The following FMNL2 variants were observed in gnomAD, a reference collection of about 807,000 sequenced individuals.
FMNL2 encodes formin like 2, also known as formin-like protein 2.
In FMNL2, 51 loss-of-function variants were observed where a neutral mutation model predicts 130.2. The observed-to-expected ratio is 0.39, with a 90% CI of 0.31 to 0.49. The LOEUF is 0.49. Among genes scored for constraint, FMNL2 ranks in the 20% least tolerant of loss-of-function variants. The pLI is 0.85. For synonymous variants in FMNL2, 465 were observed against 467.1 expected (o/e 1.00, Z 0.06); for missense variants, 977 against 1,316.2 (o/e 0.74, Z 3.99).
intron 1 of FMNL2, among the ~76,000 whole-genome samples, chr2:152,439,834 C>A (rs1172320300): frequency 2.0e-5 from 3 of 148,794 alleles, no homozygotes; most frequent in African/African-American, 7.5e-5. Flanking sequence ...TGGGCATCAG[C>A]ATTTACCCGT....
intron 21 of FMNL2, among the ~76,000 whole-genome samples, chr2:152,633,924 T>C (rs1336214231): frequency 6.6e-6 from 1 of 152,204 alleles, no homozygotes; most frequent in African/African-American, 2.4e-5. Flanking sequence ...AGATTCTGTA[T>C]TCCTTCACTC....
At chr2:152,424,611 G>A (rs372186334) in intron 1 of FMNL2, among the ~76,000 whole-genome samples, 10 of 151,974 alleles carry the variant, frequency 6.6e-5, no homozygotes, top group Admixed American at 2.6e-4. Flanking sequence ...GGCTGGTCTC[G>A]AACTCCTGAC....
intron 1 of FMNL2, among the ~76,000 whole-genome samples, chr2:152,511,100 G>T (rs1439539857): frequency 6.6e-6 from 1 of 152,162 alleles, no homozygotes; most frequent in Non-Finnish European, 1.5e-5. Flanking sequence ...TCTGTTGAGT[G>T]TGTGGTCAAC....
At chr2:152,461,707 A>G (rs932822771) in intron 1 of FMNL2, among the ~76,000 whole-genome samples, 2 of 152,222 alleles carry the variant, frequency 1.3e-5, no homozygotes, top group African/African-American at 4.8e-5. Context: ...AGACTTTTCT[A>G]CCTTTAATAC....
intron 1 of FMNL2, among the ~76,000 whole-genome samples, chr2:152,457,847 C>G (rs1303680216): frequency 3.3e-5 from 5 of 152,124 alleles, no homozygotes; most frequent in Non-Finnish European, 7.3e-5. Context: ...TAGAAGCCAC[C>G]ACCTTCTTTG....
At chr2:152,642,593 G>A (rs879379959) in intron 25 of FMNL2, among the ~76,000 whole-genome samples, 2 of 152,206 alleles carry the variant, frequency 1.3e-5, no homozygotes, top group Non-Finnish European at 2.9e-5. Flanking sequence ...CATGCTGGGG[G>A]AGAAACTCCA....
At chr2:152,381,443 T>C (rs1684456300) in intron 1 of FMNL2, among the ~76,000 whole-genome samples, 1 of 152,156 alleles carries the variant, frequency 6.6e-6, no homozygotes, top group Admixed American at 6.5e-5. Flanking sequence ...GGGGAGACAA[T>C]GAGAGGAGCT....
At chr2:152,337,244 T>C (rs940589540) in intron 1 of FMNL2, among the ~76,000 whole-genome samples, 1 of 152,184 alleles carries the variant, frequency 6.6e-6, no homozygotes, top group Non-Finnish European at 1.5e-5. Flanking sequence ...CAAGGCGGCC[T>C]GGGTGCATAC....
At chr2:152,490,806 T>C (rs1236374887) in intron 1 of FMNL2, among the ~76,000 whole-genome samples, 3 of 150,846 alleles carry the variant, frequency 2.0e-5, no homozygotes, top group Non-Finnish European at 4.4e-5. Context: ...GAACAGAACA[T>C]CTGATTGAAA....
chr2:152,611,621 A>T lies in FMNL2; in HGVS notation c.1062+16A>T. The T allele has an allele frequency of 6.7e-7, 1 of 1,494,780 alleles. No homozygotes were observed. Among genetic ancestry groups the T allele is most frequent in the South Asian group, 1.2e-5 (1 of 85,232 alleles). 92.6% of individuals were successfully genotyped at this position (1,494,780 alleles called of 1,614,324 possible). ...ATACTTGGACGTGAGTATAGCTGTGACCTTTGGCTCCAATATAAGAATTGA... is the reference window on the plus strand; with the variant it reads ...ATACTTGGACGTGAGTATAGCTGTGTCCTTTGGCTCCAATATAAGAATTGA... On this transcript the variant is annotated intron_variant, in intron 11 of 25. Transcript: ENST00000288670.
At chr2:152,443,912 A>G (rs1451519697) in intron 1 of FMNL2, among the ~76,000 whole-genome samples, 1 of 152,128 alleles carries the variant, frequency 6.6e-6, no homozygotes, top group Non-Finnish European at 1.5e-5. Context: ...ATGCCAGGAA[A>G]TTAAGTACTA....
intron 9 of FMNL2, among the ~76,000 whole-genome samples, chr2:152,591,241 C>G (rs1410644457): frequency 6.6e-6 from 1 of 151,942 alleles, no homozygotes; most frequent in African/African-American, 2.4e-5. Context: ...GAACTCCTGA[C>G]TTCGTGATCC....
chr2:152,373,281 T>G (rs1683986853), intron 1 of FMNL2, among the ~76,000 whole-genome samples: 2 of 152,246 alleles, frequency 1.3e-5, no homozygotes, highest in South Asian at 2.1e-4. Flanking sequence ...TTTAATGGTA[T>G]GGGTGAAGTC....
In FMNL2 at chr2:152,618,862, C is replaced by T. The variant is rs1559013920; in HGVS notation, c.1331C>T (p.Ala444Val). 1 of 1,597,694 alleles carries T rather than the reference C, an allele frequency of 6.3e-7. No homozygotes were observed. The highest frequency in any genetic ancestry group is 2.2e-5 in the East Asian group (1 of 44,728). Residue 444 changes from alanine to valine, a missense_variant, in exon 14 of 26, where the codon GCA (alanine) becomes GTA (valine). Coordinates refer to ENST00000288670, the MANE Select transcript of FMNL2 (RefSeq NM_052905.4). ...LDVVREIYKDANTQVHTLRKM... is the reference protein window; with the variant it reads ...LDVVREIYKDVNTQVHTLRKM... ...TTATTGCAGGAAATCTACAAAGATG[C>T]AAATACTCAAGTTCACACATTAAGA...
At chr2:152,362,993 T>C (rs563997258) in intron 1 of FMNL2, among the ~76,000 whole-genome samples, 3 of 152,260 alleles carry the variant, frequency 2.0e-5, no homozygotes, top group African/African-American at 7.2e-5. Context: ...CAAAACTATA[T>C]AGAGGGAAAG....
intron 9 of FMNL2, among the ~76,000 whole-genome samples, chr2:152,593,140 T>C (rs1301652967): frequency 6.6e-6 from 1 of 152,106 alleles, no homozygotes; most frequent in Non-Finnish European, 1.5e-5. Flanking sequence ...AGGAAAAATA[T>C]CTGACCAGGG....
intron 1 of FMNL2, among the ~76,000 whole-genome samples, chr2:152,505,165 C>G (rs537481463): frequency 6.6e-6 from 1 of 151,450 alleles, no homozygotes; most frequent in East Asian, 1.9e-4. Flanking sequence ...TTTTTTAAAC[C>G]CTGAAGCATG....
chr2:152,536,706 G>A (rs1694012342), intron 2 of FMNL2, among the ~76,000 whole-genome samples: 1 of 152,170 alleles, frequency 6.6e-6, no homozygotes, highest in Non-Finnish European at 1.5e-5. Flanking sequence ...TACCAAACGG[G>A]AGAGAAACTC....
chr2:152,643,522 T>C (rs1683281543), intron 25 of FMNL2: 4 of 1,536,014 alleles, frequency 2.6e-6, no homozygotes, highest in South Asian at 2.4e-5. Context: ...CTATTACTCT[T>C]TCTCACCTGA....
Sources: allele counts gnomAD v4.1 joint callset (sites outside exome capture counted in the v4.1 genomes callset), GRCh38; gene constraint gnomAD v4.1.1; transcripts MANE v1.5; gene names NCBI Gene and HGNC (gene_info 2026-07-23, HGNC 2026-07-21).